The following KSR2 variants were observed in gnomAD, a reference collection of about 807,000 sequenced individuals.
The protein encoded by KSR2 is kinase suppressor of ras 2.
KSR2 carries 25 observed loss-of-function variants against 107.8 expected under a neutral mutation model. The ratio of observed to expected loss-of-function variants is 0.23; its 90% CI spans 0.17 to 0.32. The LOEUF is 0.32. KSR2 is among the 10% of genes least tolerant of loss of function. KSR2 has a pLI of 1.00. For synonymous variants in KSR2, 480 were observed against 507.0 expected (o/e 0.95, Z 0.71); for missense variants, 887 against 1,268.9 (o/e 0.70, Z 4.57).
chr12:117,529,860 A>G (rs372641678), intron 12 of KSR2, among the ~76,000 whole-genome samples: 4,161 of 152,050 alleles, frequency 0.027, 175 homozygotes, highest in African/African-American at 0.095. Flanking sequence ...AATTAAAAAA[A>G]AAATACAAAA....
chr12:117,761,177 G>C lies in KSR2; in HGVS notation c.820C>G (p.Pro274Ala). 1 of 1,600,580 alleles carries C rather than the reference G, an allele frequency of 6.2e-7. No homozygotes were observed. Among genetic ancestry groups the C allele is most frequent in the African/African-American group, 1.3e-5 (1 of 74,654 alleles). The change falls in exon 4 of 20, where the codon CCG (proline) becomes GCG (alanine). Residue 274 changes from proline (P) to alanine (A), a missense_variant. Coordinates refer to ENST00000339824, the MANE Select transcript of KSR2 (RefSeq NM_173598.6). ...TTCTTCCTCATGGGCGGCGTGCCCG[G>C]CGGGGTCACGGTGGTGACGATGTTG... ...TPNIVTTVTPPGTPPMRKKNK... is the reference protein window; with the variant it reads ...TPNIVTTVTPAGTPPMRKKNK...
At chr12:117,801,532 G>C (rs1890833119) in intron 3 of KSR2, among the ~76,000 whole-genome samples, 2 of 152,124 alleles carry the variant, frequency 1.3e-5, no homozygotes, top group Non-Finnish European at 2.9e-5. Flanking sequence ...TTCTGGAGAG[G>C]CCTCAGGAAA....
intron 4 of KSR2, among the ~76,000 whole-genome samples, chr12:117,753,352 C>T (rs1221820638): frequency 1.3e-5 from 2 of 152,144 alleles, no homozygotes; most frequent in Non-Finnish European, 2.9e-5. Flanking sequence ...AAGATTTTTC[C>T]TGTCTTTCCC....
intron 4 of KSR2, among the ~76,000 whole-genome samples, chr12:117,710,467 C>T (rs1395799092): frequency 6.6e-6 from 1 of 152,140 alleles, no homozygotes; most frequent in Non-Finnish European, 1.5e-5. Flanking sequence ...GGTACTCACA[C>T]CTCCCTATAC....
At chr12:117,958,945 A>G (rs1411455856) in intron 1 of KSR2, among the ~76,000 whole-genome samples, 1 of 152,242 alleles carries the variant, frequency 6.6e-6, no homozygotes, top group Non-Finnish European at 1.5e-5. Flanking sequence ...TGAGTACAGT[A>G]AACAATAATC....
intron 14 of KSR2, among the ~76,000 whole-genome samples, chr12:117,489,015 A>G (rs1055051662): frequency 1.3e-5 from 2 of 152,242 alleles, no homozygotes; most frequent in Non-Finnish European, 2.9e-5. Flanking sequence ...TGCTAACTGC[A>G]AAAAGCATGG....
chr12:117,535,453 G>C (rs1399745380), intron 10 of KSR2, among the ~76,000 whole-genome samples: 1 of 152,184 alleles, frequency 6.6e-6, no homozygotes, highest in South Asian at 2.1e-4. Flanking sequence ...GAGGCACTCA[G>C]GAGAGACTGA....
At chr12:117,605,490 C>T (rs567392645) in intron 5 of KSR2, among the ~76,000 whole-genome samples, 3 of 152,290 alleles carry the variant, frequency 2.0e-5, no homozygotes, top group African/African-American at 7.2e-5. Flanking sequence ...ATCAACCCAT[C>T]ACCTAGGTAT....
rs117153231 is a variant in KSR2 at position 117,462,816 on chromosome 12, G to A, written c.*4383C>T. 6.6e-6 allele frequency: 1 copy of A among 152,358 alleles called. No individual in the cohort carries two copies. The highest frequency in any genetic ancestry group is 1.9e-4 in the East Asian group (1 of 5,164). 9.4% of individuals were successfully genotyped at this position (152,358 alleles called of 1,614,324 possible). ...GACTCAAGATTGAGAACCAGTGTGG[G>A]GAAAGAAAGCCGGGGATGGGAATAA... On this transcript the variant is annotated 3_prime_UTR_variant, in exon 20 of 20. Transcript: ENST00000339824.
intron 1 of KSR2, among the ~76,000 whole-genome samples, chr12:117,896,450 C>T (rs755424658): frequency 2.0e-5 from 3 of 149,206 alleles, no homozygotes; most frequent in South Asian, 2.1e-4. Flanking sequence ...GTGGTGGTTT[C>T]GCACAACATT....
chr12:117,480,176 G>A (rs1439126878), intron 16 of KSR2, among the ~76,000 whole-genome samples: 3 of 152,186 alleles, frequency 2.0e-5, no homozygotes, highest in Non-Finnish European at 2.9e-5. Flanking sequence ...GGGCCACTGG[G>A]GGTGGGGTGG....
intron 8 of KSR2, among the ~76,000 whole-genome samples, chr12:117,556,520 T>C (rs986342754): frequency 2.0e-5 from 3 of 152,170 alleles, no homozygotes; most frequent in African/African-American, 7.2e-5. Context: ...ACTTGCAATT[T>C]TCTCTGTTTT....
chr12:117,856,458 GC>G (rs1267101820), intron 2 of KSR2, among the ~76,000 whole-genome samples: 1 of 151,892 alleles, frequency 6.6e-6, no homozygotes, highest in Non-Finnish European at 1.5e-5. Context: ...AGGGTTTTTT[GC>G]CTTTTTTTGT....
At chr12:117,878,610 T>C (rs79519048) in intron 1 of KSR2, among the ~76,000 whole-genome samples, 37,409 of 152,088 alleles carry the variant, frequency 0.25, 5,571 homozygotes, top group East Asian at 0.41. Flanking sequence ...GGACGCCAAG[T>C]AGCAGCCAGA....
chr12:117,838,471 C>T (rs377414061), intron 3 of KSR2, among the ~76,000 whole-genome samples: 4 of 152,120 alleles, frequency 2.6e-5, no homozygotes, highest in African/African-American at 9.7e-5. Flanking sequence ...CCAGTCAGGA[C>T]CATGTATAAT....
At chr12:117,708,801 C>T (rs1593154530) in intron 4 of KSR2, among the ~76,000 whole-genome samples, 1 of 152,282 alleles carries the variant, frequency 6.6e-6, no homozygotes, top group East Asian at 1.9e-4. Context: ...TCATAGCTCG[C>T]GTTTTCCCAC....
At chr12:117,937,887 T>C (rs1016751487) in intron 1 of KSR2, among the ~76,000 whole-genome samples, 7 of 150,404 alleles carry the variant, frequency 4.7e-5, no homozygotes, top group Non-Finnish European at 7.4e-5. Flanking sequence ...GGAGAATCTC[T>C]TGAACCAGGA....
At chr12:117,922,160 C>T (rs1895365226) in intron 1 of KSR2, among the ~76,000 whole-genome samples, 1 of 152,146 alleles carries the variant, frequency 6.6e-6, no homozygotes, top group African/African-American at 2.4e-5. Context: ...TACCCAGAAG[C>T]GTTCCCACCT....
chr12:117,855,975 G>A (rs1893089756), intron 2 of KSR2, among the ~76,000 whole-genome samples: 1 of 152,104 alleles, frequency 6.6e-6, no homozygotes, highest in South Asian at 2.1e-4. Context: ...TAAAATCCCA[G>A]CACAAACTCA....
Sources: allele counts gnomAD v4.1 joint callset (sites outside exome capture counted in the v4.1 genomes callset), GRCh38; gene constraint gnomAD v4.1.1; transcripts MANE v1.5; gene names NCBI Gene and HGNC (gene_info 2026-07-23, HGNC 2026-07-21).